DCHS1: variants seen among roughly 807,000 people sequenced by gnomAD.
The protein encoded by DCHS1 is dachsous cadherin-related 1, also known as protocadherin-16.
A neutral mutation model predicts 213.9 loss-of-function variants in DCHS1; 78 were observed. The observed-to-expected ratio is 0.36, with a 90% CI of 0.30 to 0.44. The LOEUF is 0.44. Among genes scored for constraint, DCHS1 ranks in the 20% least tolerant of loss-of-function variants. The probability of loss-of-function intolerance (pLI) is 1.00; values close to 1 mark genes in which losing one functional copy is unlikely to be tolerated. For missense variants in DCHS1, 3,946 were observed against 4,395.9 expected, an observed-to-expected ratio of 0.90 and a Z score of 2.89; for synonymous variants, 1,828 against 1,873.7, an observed-to-expected ratio of 0.98 and a Z score of 0.63.
At chr11:6,642,568 T>G in intron 1 of DCHS1, among the ~76,000 whole-genome samples, 1 of 125,924 alleles carries the variant, frequency 7.9e-6, no homozygotes, top group African/African-American at 3.1e-5. Flanking sequence ...TCTAGAAGAG[T>G]GAACAGTATG....
chr11:6,639,913 G>A lies in DCHS1; in HGVS notation c.1701C>T (p.Ala567=). Residue 567 remains alanine (A), a synonymous_variant, in exon 2 of 21, where the codon GCC becomes GCT. Coordinates refer to ENST00000299441, the MANE Select transcript of DCHS1 (RefSeq NM_003737.4). ...GCTCATTATCATTCACATCTTGCAG[G>A]GCCACGCTAACTGTGGCAGAGGAGG... is the stretch of plus-strand genomic sequence containing the variant. ...PLASSATVSV[A]LQDVNDNEPQ... 1 of 1,613,976 alleles carries A rather than the reference G, an allele frequency of 6.2e-7. No individual in the cohort carries two copies. The highest frequency in any genetic ancestry group is 8.5e-7 in the Non-Finnish European group (1 of 1,179,876).
In DCHS1 at chr11:6,655,791, C is replaced by G; in HGVS notation, c.-349G>C. On this transcript the variant is annotated 5_prime_UTR_variant, in exon 1 of 21. Coordinates refer to ENST00000299441, the MANE Select transcript of DCHS1 (RefSeq NM_003737.4). ...GCCGCCTCCTGCACAGCCGCCCCGC[C>G]GAGGATGCGAGCTCCGCTGCCGCGG... 6 of 978,166 alleles carry G rather than the reference C, an allele frequency of 6.1e-6. No individual in the cohort carries two copies. The highest frequency in any genetic ancestry group is 7.3e-6 in the Non-Finnish European group (6 of 826,794). The allele number at this position is 978,166 out of a possible 1,614,324, so 60.6% of individuals were successfully genotyped here.
In DCHS1 at chr11:6,651,140, G is replaced by A. The variant is rs554011738; in HGVS notation, c.-121+4423C>T. Among the ~76,000 whole-genome samples, 4 of 152,302 alleles carry A rather than the reference G, an allele frequency of 2.6e-5. No homozygotes were observed. In the East Asian group the frequency reaches 5.8e-4, roughly 22 times the overall value. Reference sequence around the variant, plus strand: ...CTTGCCATCAAGGAGGTCCCAGCGCGGTTTGGGGAGATAAGACAGGGAAGA... The same window carrying A: ...CTTGCCATCAAGGAGGTCCCAGCGCAGTTTGGGGAGATAAGACAGGGAAGA... On this transcript the variant is annotated intron_variant, in intron 1 of 20. Coordinates refer to ENST00000299441, the MANE Select transcript of DCHS1 (RefSeq NM_003737.4).
At chr11:6,638,869 C>T (rs902082089) in intron 2 of DCHS1, among the ~76,000 whole-genome samples, 6 of 152,166 alleles carry the variant, frequency 3.9e-5, no homozygotes, top group Admixed American at 1.3e-4. Flanking sequence ...CATTCACTTC[C>T]CAGCTCAAAG....
At chr11:6,650,465 C>T (rs1481611652) in intron 1 of DCHS1, among the ~76,000 whole-genome samples, 4 of 152,070 alleles carry the variant, frequency 2.6e-5, no homozygotes, top group African/African-American at 7.2e-5. Context: ...AGCATGAACC[C>T]CTGGGAGGGG....
chr11:6,645,588 C>T (rs902102901), intron 1 of DCHS1, among the ~76,000 whole-genome samples: 3 of 152,176 alleles, frequency 2.0e-5, no homozygotes, highest in African/African-American at 2.4e-5. Flanking sequence ...ATGATAAACA[C>T]GTTTTCTGAA....
chr11:6,642,191 C>G (rs1856087943), intron 1 of DCHS1, among the ~76,000 whole-genome samples: 1 of 152,164 alleles, frequency 6.6e-6, no homozygotes, highest in Non-Finnish European at 1.5e-5. Flanking sequence ...TCTCCCCACC[C>G]ACCACCCTGC....
At chr11:6,629,977 C>T (rs370425665) in intron 10 of DCHS1, 22 bp downstream of exon 10, 2 of 1,585,906 alleles carry the variant, frequency 1.3e-6, no homozygotes, top group Non-Finnish European at 1.7e-6. Context: ...TCCTCGCCCT[C>T]ACTCCCAGAC....
In DCHS1 at chr11:6,621,758, G is replaced by A. The variant is rs746952990; in HGVS notation, c.*21C>T. 25 of 1,559,252 alleles carry A rather than the reference G, an allele frequency of 1.6e-5. No individual in the cohort carries two copies. The Admixed American group carries it at 2.1e-4, about 13-fold the overall frequency. On this transcript the variant is annotated 3_prime_UTR_variant, in exon 21 of 21. Transcript: ENST00000299441. ...GGGGACACTGTGCGCATCCCAGGTC[G>A]GGGCCCAGCCTGGGCCACAGCTAGA... is the stretch of plus-strand genomic sequence containing the variant.
chr11:6,649,372 A>T (rs1856212231), intron 1 of DCHS1, among the ~76,000 whole-genome samples: 1 of 151,886 alleles, frequency 6.6e-6, no homozygotes, highest in African/African-American at 2.4e-5. Context: ...TACATCTGGC[A>T]GTGTGTGCAG....
intron 2 of DCHS1, among the ~76,000 whole-genome samples, chr11:6,637,494 C>T (rs1477658703): frequency 6.6e-6 from 1 of 152,096 alleles, no homozygotes; most frequent in Non-Finnish European, 1.5e-5. Context: ...AACCCTCTGA[C>T]TTGGCTGAGC....
Position 6,626,066 on chromosome 11 carries a change from C to A in DCHS1, c.6585G>T (p.Ala2195=). Residue 2195 remains alanine, a synonymous_variant, in exon 17 of 21, where the codon GCG becomes GCT. Coordinates refer to ENST00000299441, the MANE Select transcript of DCHS1 (RefSeq NM_003737.4). The surrounding 1 kb of genome is among the most constrained non-coding windows in gnomAD (Gnocchi z 5.2). ...PLEGPLLQVE[A]DDLDQGSGGQ... is the part of the protein sequence containing the mutation. ...CTCCAGAGCCTTGATCCAGGTCATC[C>A]GCCTCCACCTGGTGAGGGTAGGAGG... 1 of 1,609,996 alleles carries A rather than the reference C, an allele frequency of 6.2e-7. No individual in the cohort carries two copies. Among genetic ancestry groups the A allele is most frequent in the South Asian group, 1.1e-5 (1 of 90,184 alleles).
At position 6,629,657 on chromosome 11, in the gene DCHS1, C is replaced by G; in HGVS notation, c.5035+15G>C. 2 of 1,612,604 alleles carry G rather than the reference C, an allele frequency of 1.2e-6. No homozygotes were observed. The highest frequency in any genetic ancestry group is 1.7e-6 in the Non-Finnish European group (2 of 1,179,222). Reference sequence around the variant, plus strand: ...CCAGTCCATCCCACTCATAATTCACCCCCCCAGGTCTTACCCACGTCGGGG... The same window carrying G: ...CCAGTCCATCCCACTCATAATTCACGCCCCCAGGTCTTACCCACGTCGGGG... On this transcript the variant is annotated intron_variant, in intron 11 of 20. Transcript: ENST00000299441.
rs1451583238 is a variant in DCHS1, at chr11:6,627,455, C to T, written c.5584G>A (p.Val1862Met). The T allele has an allele frequency of 6.2e-7, 1 of 1,611,200 alleles. No individual in the cohort carries two copies. The highest frequency in any genetic ancestry group is 2.2e-5 in the East Asian group (1 of 44,760). Reference sequence around the variant, plus strand: ...GCAGGCACATCCTCCGGCACCTCCACCGAGTAGGCAGGCACAGGAAAGGCT... The same window carrying T: ...GCAGGCACATCCTCCGGCACCTCCATCGAGTAGGCAGGCACAGGAAAGGCT... ...APAFPVPAYS[V>M]EVPEDVPAGT... Residue 1862 changes from valine (V) to methionine (M), a missense_variant, in exon 14 of 21, where the codon GTG (valine) becomes ATG (methionine). Around this residue, in one of 3 missense-constraint regions of DCHS1, gnomAD observed 3,384 missense variants for 3,780.1 expected, o/e 0.90. Transcript: ENST00000299441. The surrounding 1 kb of genome is among the most constrained non-coding windows in gnomAD (Gnocchi z 5.4).
At chr11:6,644,440 T>C (rs1232434342) in intron 1 of DCHS1, among the ~76,000 whole-genome samples, 3 of 152,224 alleles carry the variant, frequency 2.0e-5, no homozygotes, top group African/African-American at 7.2e-5. Flanking sequence ...TGCTACTGTT[T>C]TGTCATGAGA....
Position 6,622,093 on chromosome 11 carries a change from G to A in DCHS1, c.9583C>T (p.Pro3195Ser), listed in dbSNP as rs1855703038. The change falls in exon 21 of 21, where the codon CCA becomes TCA. Residue 3195 changes from proline to serine, a missense_variant. By Grantham distance (74) the Pro-to-Ser change is moderately conservative. This residue lies in a region of DCHS1 where 554 missense variants were observed against 590.2 expected (regional missense o/e 0.94). Coordinates refer to ENST00000299441, the MANE Select transcript of DCHS1 (RefSeq NM_003737.4). This position sits in a 1 kb window ranked among gnomAD's most constrained non-coding sequence, Gnocchi z 5.4. ...GGTGGTGGGTCGATACGGGGAGCTG[G>A]GGGACATGGCCGAGCTTCATCCTTG... ...RLKDEARPCP[P>S]APRIDPPPLI... is the part of the protein sequence containing the mutation. 6.2e-7 allele frequency: 1 copy of A among 1,613,154 alleles called. No homozygotes were observed. Among genetic ancestry groups the A allele is most frequent in the African/African-American group, 1.3e-5 (1 of 74,918 alleles).
Position 6,623,234 on chromosome 11 carries a change from C to T in DCHS1, c.8442G>A (p.Leu2814=). 1 of 1,593,806 alleles carries T rather than the reference C, an allele frequency of 6.3e-7. No individual in the cohort carries two copies. Among genetic ancestry groups the T allele is most frequent in the Non-Finnish European group, 8.5e-7 (1 of 1,169,944 alleles). Residue 2814 remains leucine, a synonymous_variant, in exon 21 of 21, where the codon CTG becomes CTA. Transcript: ENST00000299441. ...TGEDEYDPVF[L]APAFHFQVPE... is the part of the protein sequence containing the mutation. ...GCACTTGGAAGTGGAAAGCTGGTGCCAGAAATACAGGGTCATACTCATCCT... is the reference window on the plus strand; with the variant it reads ...GCACTTGGAAGTGGAAAGCTGGTGCTAGAAATACAGGGTCATACTCATCCT...
At chr11:6,629,330 T>A in intron 12 of DCHS1, 122 bp downstream of exon 12, 1 of 1,390,894 alleles carries the variant, frequency 7.2e-7, no homozygotes, top group Non-Finnish European at 9.6e-7. Flanking sequence ...TCCAAAAACA[T>A]AACAGGAGCT....
chr11:6,629,786 C>T lies in DCHS1; in HGVS notation c.4921G>A (p.Asp1641Asn), dbSNP rs934386456. The T allele has an allele frequency of 5.0e-6, 8 of 1,613,652 alleles. No homozygotes were observed. The highest frequency in any genetic ancestry group is 6.8e-6 in the Non-Finnish European group (8 of 1,179,902). Reference sequence around the variant, plus strand: ...AAAGTAGGCGCCTCGTCGTTGACGTCAGCGACACTGACGGTCAGGACCTGC... The same window carrying T: ...AAAGTAGGCGCCTCGTCGTTGACGTTAGCGACACTGACGGTCAGGACCTGC... ...ATQVLTVSVA[D>N]VNDEAPTFQQ... is the part of the protein sequence containing the mutation. Residue 1641 changes from aspartate to asparagine, a missense_variant, in exon 11 of 21, where the codon GAC becomes AAC. Coordinates refer to ENST00000299441, the MANE Select transcript of DCHS1 (RefSeq NM_003737.4).
Sources: allele counts gnomAD v4.1 joint callset (sites outside exome capture counted in the v4.1 genomes callset), GRCh38; gene constraint gnomAD v4.1.1; regional missense constraint gnomAD v4.1.1; non-coding constraint Gnocchi (gnomAD v3.1); transcripts MANE v1.5; gene names NCBI Gene and HGNC (gene_info 2026-07-23, HGNC 2026-07-21).